Variants in NOP56 observed in about 807,000 individuals in gnomAD.
The protein encoded by NOP56 is nucleolar protein 56.
Under a neutral mutation model 58.3 loss-of-function variants are expected in NOP56, and 31 were observed. That is an observed-to-expected ratio of 0.53 (90% confidence interval 0.40 to 0.72). The LOEUF is 0.72. NOP56 is among the 30% of genes least tolerant of loss of function. The pLI is 0.00. For synonymous variants in NOP56, 313 were observed against 282.8 expected, an observed-to-expected ratio of 1.11 and a Z score of -1.07; for missense variants, 669 against 739.9, an observed-to-expected ratio of 0.90 and a Z score of 1.11.
At position 2,658,247 on chromosome 20, in the gene NOP56, A is replaced by G; in HGVS notation, c.1738A>G (p.Ser580Gly). The change falls in exon 12 of 12, where the codon AGC becomes GGC. Residue 580 changes from serine (S) to glycine (G), a missense_variant. By Grantham distance (56) the Ser-to-Gly change is moderately conservative (BLOSUM62 0). Coordinates refer to ENST00000329276, the MANE Select transcript of NOP56 (RefSeq NM_006392.4). The part of the protein sequence containing the change: ...SGPEEAVGKS[S>G]SKKKKKFHKA... ...GCCTGAAGAGGCGGTTGGCAAGAGC[A>G]GCTCCAAGAAGAAGAAAAAGTTCCA... The G allele has an allele frequency of 6.3e-7, 1 of 1,597,130 alleles. No homozygotes were observed. Among genetic ancestry groups the G allele is most frequent in the Non-Finnish European group, 8.5e-7 (1 of 1,171,960 alleles).
intron 2 of NOP56, 130 bp downstream of exon 2, chr20:2,653,061 G>T (rs958520996): frequency 3.5e-6 from 3 of 868,260 alleles, no homozygotes; most frequent in African/African-American, 1.7e-5. Flanking sequence ...GAAAGCTCTA[G>T]ATCCGGGGGT....
rs779538270 is a variant in NOP56, at chr20:2,658,041, C to T, written c.1532C>T (p.Ser511Phe). ...TTCTCCAAACCCAAGAAAAAGAAATCTTTTTCCAAGGAGGAGTTGATGAGT... is the reference window on the plus strand; with the variant it reads ...TTCTCCAAACCCAAGAAAAAGAAATTTTTTTCCAAGGAGGAGTTGATGAGT... ...ISFSKPKKKK[S>F]FSKEELMSSD... is the part of the protein sequence containing the mutation. Residue 511 changes from serine to phenylalanine, a missense_variant, in exon 12 of 12, where the codon TCT becomes TTT. Transcript: ENST00000329276. The T allele has an allele frequency of 1.2e-6, 2 of 1,613,448 alleles. No homozygotes were observed. Among genetic ancestry groups the T allele is most frequent in the Non-Finnish European group, 1.7e-6 (2 of 1,179,484 alleles).
Position 2,653,308 on chromosome 20 carries a change from A to G in NOP56, c.123A>G (p.Lys41=). The part of the protein sequence containing the change: ...QVEESVLNLG[K]FHSIVRLVAF... ...AGGAGTCTGTGCTCAACCTGGGCAA[A>G]TTCCACAGCATCGTTCGTCTGGTGG... Residue 41 remains lysine (K), a synonymous_variant, in exon 3 of 12, where the codon AAA becomes AAG. Transcript: ENST00000329276. 6.2e-7 allele frequency: 1 copy of G among 1,614,084 alleles called. No homozygotes were observed. Among genetic ancestry groups the G allele is most frequent in the East Asian group, 2.2e-5 (1 of 44,870 alleles).
In NOP56 at chr20:2,652,905, G is replaced by T. The variant is rs1361966791; in HGVS notation, c.67G>T (p.Glu23Ter). 6.2e-7 allele frequency: 1 copy of T among 1,609,214 alleles called. No homozygotes were observed. The highest frequency in any genetic ancestry group is 1.7e-5 in the Admixed American group (1 of 59,776). ...CGCGCTGCTGGCGCTGAAGGAAGTG[G>T]AGGAGATCAGTCTGCTGCAGCCGCA... is the stretch of plus-strand genomic sequence containing the variant. Reference protein sequence around the residue: ...GYALLALKEVEEISLLQPQVE... With the variant: ...GYALLALKEV Residue 23 changes from glutamate to a stop codon, truncating the protein, a stop_gained, in exon 2 of 12, where the codon GAG (glutamate) becomes TAG (stop). Transcript: ENST00000329276. LOFTEE classifies it high-confidence loss of function.
chr20:2,655,231 C>T lies in NOP56; in HGVS notation c.570-94C>T, dbSNP rs2086801876. 2.1e-6 allele frequency: 3 copies of T among 1,447,796 alleles called. No homozygotes were observed. In the South Asian group the frequency reaches 3.4e-5, roughly 17 times the overall value. The allele number at this position is 1,447,796 out of a possible 1,614,324, so 89.7% of individuals were successfully genotyped here. A position where few individuals can be genotyped will look rare whatever the true frequency, so the allele number is the denominator to read the frequency against. ...GAAGATTTGGATCTTTGTCCCATTTCCTCCAGGCAGAGTAGGTGTGGAGAA... is the reference window on the plus strand; with the variant it reads ...GAAGATTTGGATCTTTGTCCCATTTTCTCCAGGCAGAGTAGGTGTGGAGAA... On this transcript the variant is annotated intron_variant, in intron 5 of 11. Coordinates refer to ENST00000329276, the MANE Select transcript of NOP56 (RefSeq NM_006392.4).
At position 2,652,835 on chromosome 20, in the gene NOP56, G is replaced by A. The variant is rs1174896672; in HGVS notation, c.4-7G>A. ...CGTTGACGCTCGCGCCCCGGCTCCC[G>A]TTCCAGGTGCTGTTGCACGTGCTGT... On this transcript the variant is annotated splice_region_variant and splice_polypyrimidine_tract_variant and intron_variant, in intron 1 of 11. Coordinates refer to ENST00000329276, the MANE Select transcript of NOP56 (RefSeq NM_006392.4). 1 of 1,609,500 alleles carries A rather than the reference G, an allele frequency of 6.2e-7. No individual in the cohort carries two copies. The highest frequency in any genetic ancestry group is 8.5e-7 in the Non-Finnish European group (1 of 1,178,584).
In NOP56 at chr20:2,656,624, C is replaced by G. The variant is rs549855088; in HGVS notation, c.1159+75C>G. On this transcript the variant is annotated intron_variant, in intron 9 of 11. Coordinates refer to ENST00000329276, the MANE Select transcript of NOP56 (RefSeq NM_006392.4). ...GTGGGGAGGCTTGCAACCATAGCTT[C>G]CACAATGATGGCAATATTTTTCGTC... 38 of 1,606,922 alleles carry G rather than the reference C, an allele frequency of 2.4e-5. No individual in the cohort carries two copies. The South Asian group carries it at 4.0e-4, about 17-fold the overall frequency.
At chr20:2,655,022 C>A in intron 5 of NOP56, 75 bp downstream of exon 5, 4 of 1,549,988 alleles carry the variant, frequency 2.6e-6, no homozygotes, top group Non-Finnish European at 3.5e-6. Flanking sequence ...TTGATGAGGA[C>A]TGACCATCCT....
chr20:2,658,015 T>C lies in NOP56; in HGVS notation c.1506T>C (p.Ser502=). Residue 502 remains serine (S), a synonymous_variant, in exon 12 of 12, where the codon TCT becomes TCC. Transcript: ENST00000329276. ...QENGMEDPSI[S]FSKPKKKKSF... ...ATGGAATGGAAGACCCATCTATCTC[T>C]TTCTCCAAACCCAAGAAAAAGAAAT... The C allele has an allele frequency of 6.2e-7, 1 of 1,613,030 alleles. No homozygotes were observed. Among genetic ancestry groups the C allele is most frequent in the South Asian group, 1.1e-5 (1 of 91,042 alleles).
rs747347004 is a variant in NOP56 at position 2,655,715 on chromosome 20, C to T, written c.878C>T (p.Ala293Val). The T allele has an allele frequency of 6.2e-7, 1 of 1,614,170 alleles. No homozygotes were observed. Among genetic ancestry groups the T allele is most frequent in the Non-Finnish European group, 8.5e-7 (1 of 1,180,028 alleles). Reference sequence around the variant, plus strand: ...CTGCGCTCCAAGATGAGCCAAGTAGCCCCCAGCCTGTCAGCCCTAATTGGG... The same window carrying T: ...CTGCGCTCCAAGATGAGCCAAGTAGTCCCCAGCCTGTCAGCCCTAATTGGG... The part of the protein sequence containing the change: ...TYLRSKMSQV[A>V]PSLSALIGEA... The change falls in exon 7 of 12, where the codon GCC (alanine) becomes GTC (valine). Residue 293 changes from alanine to valine, a missense_variant. This residue lies in a region of NOP56 where 339 missense variants were observed against 430.5 expected (regional missense o/e 0.79). Transcript: ENST00000329276.
rs765641048 is a variant in NOP56 at position 2,654,876 on chromosome 20, T to C, written c.498T>C (p.Asn166=). The C allele has an allele frequency of 6.2e-7, 1 of 1,614,000 alleles. No individual in the cohort carries two copies. The highest frequency in any genetic ancestry group is 1.3e-5 in the African/African-American group (1 of 74,890). The change falls in exon 5 of 12, where the codon AAT becomes AAC. Residue 166 remains asparagine (N), a synonymous_variant. Coordinates refer to ENST00000329276, the MANE Select transcript of NOP56 (RefSeq NM_006392.4). ...AGTTTAATGTGAACCGGGTGGACAA[T>C]ATGATCATCCAGTCCATTAGCCTCC... ...KVKFNVNRVD[N]MIIQSISLLD...
rs183494902 is a variant in NOP56 at position 2,657,156 on chromosome 20, C to T, written c.1357C>T (p.Arg453Trp). Residue 453 changes from arginine to tryptophan, a missense_variant, in exon 11 of 12, where the codon CGG (arginine) becomes TGG (tryptophan). Arg to Trp is a moderately radical substitution (Grantham distance 101). Coordinates refer to ENST00000329276, the MANE Select transcript of NOP56 (RefSeq NM_006392.4). ...EKKRLKKEKK[R>W]LAALALASSE... Reference sequence around the variant, plus strand: ...GAAACGCTTAAAGAAGGAAAAGAAACGGCTGGCTGCACTTGCCCTCGCGTC... The same window carrying T: ...GAAACGCTTAAAGAAGGAAAAGAAATGGCTGGCTGCACTTGCCCTCGCGTC... The T allele has an allele frequency of 5.9e-5, 96 of 1,614,126 alleles. No homozygotes were observed. In the African/African-American group the frequency reaches 8.1e-4, roughly 14 times the overall value.
intron 3 of NOP56, 32 bp from the exon 4 acceptor site, chr20:2,654,382 C>G: frequency 6.2e-7 from 1 of 1,613,556 alleles, no homozygotes; most frequent in Non-Finnish European, 8.5e-7. Context: ...GTCCTTCAGC[C>G]TGTTAGTGGG....
rs1412200300 is a variant in NOP56 at position 2,655,653 on chromosome 20, G to A, written c.816G>A (p.Val272=). ...TCGAGAGCTTCTCCAGTCGTGTGGT[G>A]TCTTTATCTGAATACCGCCAGAGCC... ...INIESFSSRV[V]SLSEYRQSLH... The change falls in exon 7 of 12, where the codon GTG becomes GTA. Residue 272 remains valine, a synonymous_variant. Transcript: ENST00000329276. 6.2e-7 allele frequency: 1 copy of A among 1,614,018 alleles called. No homozygotes were observed. Among genetic ancestry groups the A allele is most frequent in the East Asian group, 2.2e-5 (1 of 44,892 alleles).
intron 11 of NOP56, 112 bp from the exon 12 acceptor site, chr20:2,657,817 C>T: frequency 1.6e-6 from 2 of 1,239,646 alleles, no homozygotes; most frequent in Non-Finnish European, 2.2e-6. Flanking sequence ...TTAAACTATC[C>T]CAGAAACACT....
chr20:2,657,241 G>A, intron 11 of NOP56, 23 bp downstream of exon 11: 3 of 1,613,888 alleles, frequency 1.9e-6, no homozygotes, highest in Non-Finnish European at 2.5e-6. Context: ...CACGGCCCTG[G>A]CAGAGATCCT....
chr20:2,655,023 T>C (rs1277213611), intron 5 of NOP56, 76 bp downstream of exon 5: 1 of 1,551,128 alleles, frequency 6.4e-7, no homozygotes, highest in Admixed American at 1.7e-5. Context: ...TGATGAGGAC[T>C]GACCATCCTG....
chr20:2,653,579 GC>G, intron 3 of NOP56, 186 bp downstream of exon 3: 1 of 598,146 alleles, frequency 1.7e-6, no homozygotes, highest in Non-Finnish European at 3.0e-6. Flanking sequence ...TGGGAACTGT[GC>G]TAGACCAAAC....
At chr20:2,654,715 C>A (rs538204330) in intron 4 of NOP56, 34 bp from the exon 5 acceptor site, 1 of 1,611,452 alleles carries the variant, frequency 6.2e-7, no homozygotes, top group Admixed American at 1.7e-5. Flanking sequence ...TAGCTCAGAG[C>A]CCCTTGTTGC....
Sources: gnomAD v4.1 joint callset for allele counts on GRCh38, gnomAD v4.1.1 for gene constraint, gnomAD v4.1.1 regional missense constraint, MANE v1.5 for transcripts, NCBI Gene and HGNC (gene_info 2026-07-23, HGNC 2026-07-21) for gene names.